The following SGCZ variants were observed in gnomAD, a reference collection of about 807,000 sequenced individuals.
SGCZ encodes the protein sarcoglycan zeta.
In SGCZ, 40 loss-of-function variants were observed where a neutral mutation model predicts 41.3. That is an observed-to-expected ratio of 0.97 (90% CI 0.75 to 1.26). The LOEUF (loss-of-function observed/expected upper bound fraction) is 1.26. Ranked by LOEUF, SGCZ falls within the 50% of genes most tolerant of loss-of-function variation. The pLI is 0.00. For synonymous variants in SGCZ, 206 were observed against 137.5 expected (o/e 1.50, Z -3.49); for missense variants, 552 against 369.8 (o/e 1.49, Z -4.04).
At chr8:14,976,001 C>CACATAT (rs1554531597) in intron 1 of SGCZ, among the ~76,000 whole-genome samples, 1 of 140,174 alleles carries the variant, frequency 7.1e-6, no homozygotes, top group Non-Finnish European at 1.5e-5. Context: ...TATATATATA[C>CACATAT]ATATATATAT....
intron 2 of SGCZ, among the ~76,000 whole-genome samples, chr8:14,453,999 A>T (rs1364766332): frequency 6.6e-6 from 1 of 152,188 alleles, no homozygotes; most frequent in East Asian, 1.9e-4. Flanking sequence ...CACAAAAAAA[A>T]AATAATTGTT....
chr8:15,125,247 G>C (rs1219687862), intron 1 of SGCZ, among the ~76,000 whole-genome samples: 1 of 152,078 alleles, frequency 6.6e-6, no homozygotes, highest in Non-Finnish European at 1.5e-5. Flanking sequence ...CAAAATAATT[G>C]CTATATTTTT....
intron 1 of SGCZ, among the ~76,000 whole-genome samples, chr8:14,982,107 G>A (rs1423968537): frequency 1.3e-4 from 20 of 150,424 alleles, no homozygotes; most frequent in South Asian, 2.1e-4. Flanking sequence ...CCAGGATCAC[G>A]CCACTGTACT....
At chr8:14,153,650 A>G (rs1438984418) in intron 5 of SGCZ, among the ~76,000 whole-genome samples, 1 of 152,106 alleles carries the variant, frequency 6.6e-6, no homozygotes, top group Non-Finnish European at 1.5e-5. Context: ...GAATTCAGCT[A>G]CTATAAACCC....
At chr8:15,045,103 A>C (rs1221499422) in intron 1 of SGCZ, among the ~76,000 whole-genome samples, 4 of 151,922 alleles carry the variant, frequency 2.6e-5, no homozygotes, top group Non-Finnish European at 4.4e-5. Flanking sequence ...TTATTTATTT[A>C]TATGGTTAAT....
intron 2 of SGCZ, among the ~76,000 whole-genome samples, chr8:14,376,298 G>A (rs535879123): frequency 2.1e-4 from 32 of 151,746 alleles, no homozygotes; most frequent in African/African-American, 6.0e-4. Context: ...GCAACAGAGC[G>A]GGACTCAATC....
chr8:14,305,756 A>G (rs1801329969), intron 3 of SGCZ, among the ~76,000 whole-genome samples: 1 of 152,198 alleles, frequency 6.6e-6, no homozygotes, highest in African/African-American at 2.4e-5. Context: ...CAGTAAGTTG[A>G]ATCAATTTCT....
chr8:14,713,544 G>C (rs937697436), intron 1 of SGCZ, among the ~76,000 whole-genome samples: 1 of 151,974 alleles, frequency 6.6e-6, no homozygotes, highest in South Asian at 2.1e-4. Flanking sequence ...TGCAAATGAG[G>C]GTTGAACTAA....
At chr8:14,208,233 G>A (rs1194782715) in intron 4 of SGCZ, among the ~76,000 whole-genome samples, 1 of 152,060 alleles carries the variant, frequency 6.6e-6, no homozygotes, top group Non-Finnish European at 1.5e-5. Context: ...TGACTTCAAT[G>A]GATGACAGAT....
chr8:14,889,745 G>A (rs1374702248), intron 1 of SGCZ, among the ~76,000 whole-genome samples: 1 of 151,652 alleles, frequency 6.6e-6, no homozygotes, highest in Non-Finnish European at 1.5e-5. Flanking sequence ...TAGATATTTT[G>A]TGTATTTAAA....
chr8:14,158,796 T>A (rs1374979508), intron 5 of SGCZ, among the ~76,000 whole-genome samples: 1 of 151,976 alleles, frequency 6.6e-6, no homozygotes, highest in African/African-American at 2.4e-5. Flanking sequence ...TGAGATGGAG[T>A]CTCAATCTGT....
chr8:14,246,461 G>C (rs1301701995), intron 3 of SGCZ, among the ~76,000 whole-genome samples: 1 of 151,820 alleles, frequency 6.6e-6, no homozygotes, highest in East Asian at 1.9e-4. Flanking sequence ...TGGGGGGAGC[G>C]GGGAGGGATA....
intron 1 of SGCZ, among the ~76,000 whole-genome samples, chr8:14,987,144 C>A (rs1440831156): frequency 6.6e-6 from 1 of 151,802 alleles, no homozygotes; most frequent in African/African-American, 2.4e-5. Flanking sequence ...AAACTGTTTA[C>A]CACAGTGATT....
At position 14,086,251 on chromosome 8, in the gene SGCZ, A is replaced by C. The variant is rs1308185901; in HGVS notation, c.*4192T>G. Reference sequence around the variant, plus strand: ...TTTATAGAAAATTTGGCTATTAAATACTTTCAATGATTTTAATAATTTAAC... The same window carrying C: ...TTTATAGAAAATTTGGCTATTAAATCCTTTCAATGATTTTAATAATTTAAC... On this transcript the variant is annotated 3_prime_UTR_variant, in exon 8 of 8. Coordinates refer to ENST00000382080, the MANE Select transcript of SGCZ (RefSeq NM_139167.4). Among the ~76,000 whole-genome samples, 2 of 151,738 alleles carry C rather than the reference A, an allele frequency of 1.3e-5. No homozygotes were observed. The highest frequency in any genetic ancestry group is 3.0e-5 in the Non-Finnish European group (2 of 67,764).
chr8:14,257,923 T>C (rs889235634), intron 3 of SGCZ, among the ~76,000 whole-genome samples: 3 of 152,204 alleles, frequency 2.0e-5, no homozygotes, highest in Admixed American at 6.5e-5. Context: ...TATAGATATA[T>C]AGACATATCT....
chr8:14,549,001 G>A (rs1563402379), intron 2 of SGCZ, among the ~76,000 whole-genome samples: 1 of 152,066 alleles, frequency 6.6e-6, no homozygotes, highest in Non-Finnish European at 1.5e-5. Flanking sequence ...TTTTTCTAGA[G>A]GGGTTGTAAA....
At chr8:14,789,174 G>C (rs909231862) in intron 1 of SGCZ, among the ~76,000 whole-genome samples, 1 of 151,976 alleles carries the variant, frequency 6.6e-6, no homozygotes, top group Non-Finnish European at 1.5e-5. Flanking sequence ...CACGATGCTT[G>C]GGGGCCATTT....
chr8:14,728,712 C>T (rs1336264522), intron 1 of SGCZ, among the ~76,000 whole-genome samples: 1 of 152,060 alleles, frequency 6.6e-6, no homozygotes, highest in African/African-American at 2.4e-5. Flanking sequence ...TCAAATTTAG[C>T]AATATGATAT....
chr8:14,830,118 G>A (rs1164492001), intron 1 of SGCZ, among the ~76,000 whole-genome samples: 1 of 152,056 alleles, frequency 6.6e-6, no homozygotes, highest in Admixed American at 6.6e-5. Flanking sequence ...CCTTATGTTT[G>A]TATTTTTTAT....
Sources: gnomAD v4.1 joint callset for allele counts (sites outside exome capture counted in the v4.1 genomes callset) on GRCh38, gnomAD v4.1.1 for gene constraint, MANE v1.5 for transcripts, NCBI Gene and HGNC (gene_info 2026-07-23, HGNC 2026-07-21) for gene names.